The following EPN2 variants were observed in gnomAD, a reference collection of about 807,000 sequenced individuals.
The protein encoded by EPN2 is epsin-2.
A neutral mutation model predicts 61.7 loss-of-function variants in EPN2; 34 were observed. That is an observed-to-expected ratio of 0.55 (90% CI 0.42 to 0.73). The LOEUF (loss-of-function observed/expected upper bound fraction) is 0.73, where lower values mean the gene tolerates loss of function less well. Ranked by LOEUF, EPN2 falls within the 30% of genes least tolerant of loss-of-function variation. The probability of loss-of-function intolerance (pLI) is 0.00; values close to 1 mark genes in which losing one functional copy is unlikely to be tolerated. For missense variants in EPN2, 714 were observed against 839.2 expected (o/e 0.85, Z 1.84); for synonymous variants, 349 against 353.6 (o/e 0.99, Z 0.15).
chr17:19,326,634 C>A (rs1011734856), intron 7 of EPN2, among the ~76,000 whole-genome samples: 1 of 125,566 alleles, frequency 8.0e-6, no homozygotes, highest in African/African-American at 3.1e-5. Flanking sequence ...TTGCAGTTAG[C>A]GATGATTGCG....
intron 4 of EPN2, among the ~76,000 whole-genome samples, chr17:19,293,193 A>G (rs1011247779): frequency 9.2e-5 from 14 of 152,052 alleles, no homozygotes; most frequent in African/African-American, 3.4e-4. Flanking sequence ...AGCTTGGCCA[A>G]TATGGTGAAA....
intron 4 of EPN2, among the ~76,000 whole-genome samples, chr17:19,289,724 G>GGTTTTTTTTTTTTTT (rs2045441670): frequency 1.3e-5 from 1 of 78,028 alleles, no homozygotes; most frequent in Non-Finnish European, 2.3e-5. Context: ...GGCGCTCATG[G>GGTTTTTTTTTTTTTT]TTTTTTTTTT....
intron 7 of EPN2, among the ~76,000 whole-genome samples, chr17:19,314,111 A>G (rs1252425784): frequency 2.0e-5 from 3 of 152,146 alleles, no homozygotes; most frequent in Non-Finnish European, 4.4e-5. Flanking sequence ...GATGTTTGCT[A>G]AAATGTACCA....
chr17:19,308,690 A>G, intron 4 of EPN2: 1 of 985,270 alleles, frequency 1.0e-6, no homozygotes, highest in Non-Finnish European at 1.2e-6. Context: ...AGTAGCTCCA[A>G]ATCTCTCAGA....
intron 1 of EPN2, among the ~76,000 whole-genome samples, chr17:19,268,555 G>A (rs140295244): frequency 6.6e-6 from 1 of 152,254 alleles, no homozygotes; most frequent in East Asian, 1.9e-4. Context: ...ATGACAAAAC[G>A]ATGTTATAAA....
At chr17:19,270,261 C>T (rs985930175) in intron 1 of EPN2, among the ~76,000 whole-genome samples, 3 of 152,238 alleles carry the variant, frequency 2.0e-5, no homozygotes, top group African/African-American at 7.2e-5. Context: ...TTTCTTACTG[C>T]TCTTTTAATT....
At chr17:19,286,926 C>T (rs1298814396) in intron 4 of EPN2, among the ~76,000 whole-genome samples, 3 of 152,198 alleles carry the variant, frequency 2.0e-5, no homozygotes, top group African/African-American at 7.2e-5. Flanking sequence ...TTCACCCCCC[C>T]AGATAGTCAG....
intron 7 of EPN2, among the ~76,000 whole-genome samples, chr17:19,318,978 CAT>C (rs1906518272): frequency 6.6e-6 from 1 of 152,140 alleles, no homozygotes; most frequent in Admixed American, 6.6e-5. Flanking sequence ...TGGCAGATCA[CAT>C]GAGGCCAAGA....
intron 1 of EPN2, among the ~76,000 whole-genome samples, chr17:19,268,182 C>T (rs1597982489): frequency 1.3e-5 from 2 of 152,182 alleles, no homozygotes; most frequent in African/African-American, 4.8e-5. Flanking sequence ...CAAGTCTTGT[C>T]CTTGTCTTCT....
intron 7 of EPN2, among the ~76,000 whole-genome samples, chr17:19,315,477 T>C (rs1906341409): frequency 6.6e-6 from 1 of 152,078 alleles, no homozygotes; most frequent in African/African-American, 2.4e-5. Context: ...GAGATAAAAT[T>C]CACCATTTCA....
intron 1 of EPN2, among the ~76,000 whole-genome samples, chr17:19,245,357 G>T (rs760787425): frequency 1.3e-5 from 2 of 151,936 alleles, no homozygotes; most frequent in Non-Finnish European, 2.9e-5. Context: ...GGGTACTAAG[G>T]ACTGAAAACC....
chr17:19,289,021 G>A (rs1189362479), intron 4 of EPN2, among the ~76,000 whole-genome samples: 1 of 150,934 alleles, frequency 6.6e-6, no homozygotes, highest in Non-Finnish European at 1.5e-5. Flanking sequence ...GATGGTGGGG[G>A]TCTGGACCTG....
At chr17:19,259,379 C>G (rs2152207111) in intron 1 of EPN2, among the ~76,000 whole-genome samples, 1 of 135,140 alleles carries the variant, frequency 7.4e-6, no homozygotes, top group East Asian at 2.3e-4. Context: ...GTGGCACGAT[C>G]TCGGCTCACT....
intron 1 of EPN2, among the ~76,000 whole-genome samples, chr17:19,268,275 T>TG (rs2045220115): frequency 1.3e-5 from 2 of 152,182 alleles, no homozygotes; most frequent in Admixed American, 1.3e-4. Flanking sequence ...CTTGTTCAGA[T>TG]CCCCTGTAGC....
At chr17:19,249,442 C>G (rs1264953868) in intron 1 of EPN2, 3 of 152,234 alleles carry the variant, frequency 2.0e-5, no homozygotes, top group Admixed American at 2.0e-4. Flanking sequence ...TGTGATTAAA[C>G]AGTCTCTTGG....
chr17:19,267,520 T>G (rs775667117), intron 1 of EPN2, among the ~76,000 whole-genome samples: 1 of 151,034 alleles, frequency 6.6e-6, no homozygotes, highest in South Asian at 2.1e-4. Context: ...AAGAAAAATA[T>G]GAAGCAAGCA....
chr17:19,286,049 G>A (rs2045401661), intron 4 of EPN2, among the ~76,000 whole-genome samples: 1 of 152,196 alleles, frequency 6.6e-6, no homozygotes, highest in Admixed American at 6.5e-5. Flanking sequence ...GTAAGGCATG[G>A]GGTGATGGCC....
intron 1 of EPN2, among the ~76,000 whole-genome samples, chr17:19,275,459 T>G (rs1227200459): frequency 6.6e-6 from 1 of 152,260 alleles, no homozygotes; most frequent in Non-Finnish European, 1.5e-5. Flanking sequence ...TGCTTTCTTC[T>G]GTGGCTGCTT....
At chr17:19,268,387 T>C (rs868452574) in intron 1 of EPN2, among the ~76,000 whole-genome samples, 8 of 152,136 alleles carry the variant, frequency 5.3e-5, no homozygotes, top group African/African-American at 1.9e-4. Context: ...AGGCAGGGTC[T>C]TGCTCTGTCG....
Sources: gnomAD v4.1 joint callset for allele counts (sites outside exome capture counted in the v4.1 genomes callset) on GRCh38, gnomAD v4.1.1 for gene constraint, MANE v1.5 for transcripts, NCBI Gene and HGNC (gene_info 2026-07-23, HGNC 2026-07-21) for gene names.